RBFOX1: variants seen among roughly 807,000 people sequenced by gnomAD.
The protein encoded by RBFOX1 is RNA binding fox-1 homolog 1, also known as RNA binding protein fox-1 homolog 1.
A neutral mutation model predicts 57.7 loss-of-function variants in RBFOX1; 8 were observed. That is an observed-to-expected ratio of 0.14 (90% CI 0.08 to 0.25). The LOEUF is 0.25. RBFOX1 is among the 10% of genes least tolerant of loss of function. RBFOX1 has a pLI of 1.00. For synonymous variants in RBFOX1, 326 were observed against 222.4 expected (o/e 1.47, Z -4.15); for missense variants, 611 against 548.5 (o/e 1.11, Z -1.14).
intron 3 of RBFOX1, among the ~76,000 whole-genome samples, chr16:5,752,693 T>C (rs1255779671): frequency 2.0e-5 from 3 of 152,146 alleles, no homozygotes; most frequent in Non-Finnish European, 4.4e-5. Flanking sequence ...GAGAACCCTC[T>C]TAGGAGGTGA....
At position 6,855,281 on chromosome 16, in the gene RBFOX1, A is replaced by G. The variant is rs540674696; in HGVS notation, c.-15-196776A>G. Among the ~76,000 whole-genome samples the G allele has an allele frequency of 9.2e-5, 14 of 152,252 alleles. No homozygotes were observed. The South Asian group carries it at 2.9e-3, about 32-fold the overall frequency. On this transcript the variant is annotated intron_variant, in intron 3 of 15. Transcript: ENST00000550418. ...GAGAGGGGGAAGGAGGGCAGTCAGC[A>G]TTCTAGTATACAGGTCTGAGATAGC...
At chr16:6,751,319 C>G (rs576716054) in intron 3 of RBFOX1, among the ~76,000 whole-genome samples, 2 of 152,174 alleles carry the variant, frequency 1.3e-5, no homozygotes, top group South Asian at 2.1e-4. Context: ...AGAGAAATGA[C>G]AGTGCCCTCT....
intron 3 of RBFOX1, among the ~76,000 whole-genome samples, chr16:7,021,681 C>G (rs547783238): frequency 4.0e-5 from 6 of 149,356 alleles, no homozygotes; most frequent in South Asian, 2.1e-4. Flanking sequence ...TTTGCACAGA[C>G]TGGATTAAGT....
chr16:7,693,141 C>T (rs1046589582), intron 14 of RBFOX1, among the ~76,000 whole-genome samples: 8 of 152,040 alleles, frequency 5.3e-5, no homozygotes, highest in African/African-American at 1.2e-4. Context: ...AAGAGGTCCC[C>T]GCATGCTTAT....
At chr16:7,686,996 C>T (rs903829708) in intron 14 of RBFOX1, among the ~76,000 whole-genome samples, 8 of 152,046 alleles carry the variant, frequency 5.3e-5, no homozygotes, top group Non-Finnish European at 1.2e-4. Context: ...GTTTAAGCTT[C>T]TTTACGAATA....
At chr16:5,596,022 G>A (rs1033847555) in intron 2 of RBFOX1, among the ~76,000 whole-genome samples, 9 of 152,136 alleles carry the variant, frequency 5.9e-5, no homozygotes, top group African/African-American at 1.4e-4. Context: ...AAAATGACAC[G>A]GAAGTGCGGC....
At chr16:7,705,292 G>T (rs1020784654) in intron 14 of RBFOX1, among the ~76,000 whole-genome samples, 6 of 152,084 alleles carry the variant, frequency 3.9e-5, no homozygotes, top group Admixed American at 1.3e-4. Context: ...GGATCACGAG[G>T]TCAGGAGATC....
At chr16:7,087,571 AGAGAGGGAGGGAGGGAGGGG>A (rs983600849) in intron 4 of RBFOX1, among the ~76,000 whole-genome samples, 1 of 138,194 alleles carries the variant, frequency 7.2e-6, no homozygotes, top group African/African-American at 2.6e-5. Context: ...AGAAGGAGGG[AGAGAGGGAGGGAGGGAGGGG>A]GAGAGAGAGG....
intron 1 of RBFOX1, among the ~76,000 whole-genome samples, chr16:6,071,729 A>G (rs1480011425): frequency 6.6e-6 from 1 of 152,160 alleles, no homozygotes; most frequent in African/African-American, 2.4e-5. Flanking sequence ...AGCTAATTGA[A>G]CAACCACCGA....
chr16:5,447,244 A>T (rs1162154535), intron 1 of RBFOX1, among the ~76,000 whole-genome samples: 1 of 152,040 alleles, frequency 6.6e-6, no homozygotes, highest in Non-Finnish European at 1.5e-5. Context: ...TGATTATAAG[A>T]ACTCAGAGCC....
At chr16:7,048,390 G>C (rs1191158007) in intron 3 of RBFOX1, among the ~76,000 whole-genome samples, 1 of 152,020 alleles carries the variant, frequency 6.6e-6, no homozygotes, top group African/African-American at 2.4e-5. Flanking sequence ...CTCCCTAGTA[G>C]CTGGGACTAC....
chr16:5,548,177 ATATATATATAT>A (rs2151076450), intron 2 of RBFOX1, among the ~76,000 whole-genome samples: 1 of 40,844 alleles, frequency 2.4e-5, no homozygotes, highest in African/African-American at 7.2e-5. Context: ...AAAAAAAAAT[ATATATATATAT>A]ATATATATAT....
intron 4 of RBFOX1, among the ~76,000 whole-genome samples, chr16:7,074,047 A>T (rs897369772): frequency 6.6e-6 from 1 of 152,156 alleles, no homozygotes; most frequent in Non-Finnish European, 1.5e-5. Flanking sequence ...GTTTTGTAAC[A>T]AGAAGGTTGG....
At chr16:6,453,269 C>G (rs8046505) in intron 2 of RBFOX1, among the ~76,000 whole-genome samples, 2,900 of 152,222 alleles carry the variant, frequency 0.019, 94 homozygotes, top group African/African-American at 0.066. Context: ...TCTAGCCCCC[C>G]ACCCCTTGAC....
intron 4 of RBFOX1, among the ~76,000 whole-genome samples, chr16:7,293,569 A>G (rs1018897578): frequency 3.3e-5 from 5 of 152,272 alleles, no homozygotes; most frequent in Admixed American, 2.6e-4. Context: ...GAGACAGGGA[A>G]TATAAGAACC....
intron 1 of RBFOX1, among the ~76,000 whole-genome samples, chr16:5,359,107 C>G (rs981806979): frequency 6.6e-6 from 1 of 152,178 alleles, no homozygotes; most frequent in Non-Finnish European, 1.5e-5. Flanking sequence ...GCATAGTGAC[C>G]TCCAGTTTCA....
intron 2 of RBFOX1, among the ~76,000 whole-genome samples, chr16:6,592,692 G>A (rs1302332313): frequency 6.6e-6 from 1 of 152,216 alleles, no homozygotes; most frequent in Non-Finnish European, 1.5e-5. Context: ...ATAGTCCCCT[G>A]AGAAATGTCG....
intron 3 of RBFOX1, among the ~76,000 whole-genome samples, chr16:6,965,725 A>G (rs1343240227): frequency 6.6e-6 from 1 of 152,178 alleles, no homozygotes; most frequent in Non-Finnish European, 1.5e-5. Context: ...TTGGCTCCAA[A>G]TGGGAATGAT....
chr16:6,546,284 T>C (rs1156762613), intron 2 of RBFOX1, among the ~76,000 whole-genome samples: 1 of 152,172 alleles, frequency 6.6e-6, no homozygotes, highest in Non-Finnish European at 1.5e-5. Context: ...CCAAGTGCAT[T>C]GTAAGCTCTT....
Sources: gnomAD v4.1 joint callset for allele counts (sites outside exome capture counted in the v4.1 genomes callset) on GRCh38, gnomAD v4.1.1 for gene constraint, MANE v1.5 for transcripts, NCBI Gene and HGNC (gene_info 2026-07-23, HGNC 2026-07-21) for gene names.